The following ATP7B variants were observed in gnomAD, a reference collection of about 807,000 sequenced individuals.
ATP7B encodes ATPase copper transporting beta.
In ATP7B, 113 loss-of-function variants were observed where a neutral mutation model predicts 118.9. That is an observed-to-expected ratio of 0.95 (90% CI 0.82 to 1.11). The LOEUF (loss-of-function observed/expected upper bound fraction) is 1.11. ATP7B is among the 50% of genes most tolerant of loss of function. ATP7B has a pLI of 0.00. For missense variants in ATP7B, 1,867 were observed against 1,871.4 expected (o/e 1.00, Z 0.04); for synonymous variants, 777 against 727.4 (o/e 1.07, Z -1.10).
chr13:51,961,081 T>G (rs780456083), intron 6 of ATP7B, among the ~76,000 whole-genome samples: 2 of 151,880 alleles, frequency 1.3e-5, no homozygotes, highest in Non-Finnish European at 2.9e-5. Flanking sequence ...GCCACAGCAG[T>G]CCCCAAGGGT....
rs775754066 is a variant in ATP7B at position 51,974,091 on chromosome 13, T to C, written c.1129A>G (p.Ile377Val). 48 of 1,613,872 alleles carry C rather than the reference T, an allele frequency of 3.0e-5. No individual in the cohort carries two copies. The highest frequency in any genetic ancestry group is 3.9e-5 in the Non-Finnish European group (46 of 1,180,026). The change falls in exon 2 of 21, where the codon ATT (isoleucine) becomes GTT (valine). Residue 377 changes from isoleucine (I) to valine (V), a missense_variant. Coordinates refer to ENST00000242839, the MANE Select transcript of ATP7B (RefSeq NM_000053.4). ...GMTCASCVHS[I>V]EGMISQLEGV... ...TCCAGTTGGGAGATCATGCCTTCAA[T>C]GGAATGGACACAGGATGCACAGGTC...
At chr13:51,948,463 G>A (rs1445701560) in intron 12 of ATP7B, among the ~76,000 whole-genome samples, 1 of 152,064 alleles carries the variant, frequency 6.6e-6, no homozygotes, top group Non-Finnish European at 1.5e-5. Flanking sequence ...GACTGGGCTA[G>A]GAATAAGATA....
intron 12 of ATP7B, 139 bp from the exon 13 acceptor site, chr13:51,946,617 A>G (rs1423495785): frequency 5.5e-6 from 5 of 902,252 alleles, no homozygotes; most frequent in African/African-American, 1.6e-5. Context: ...GGTATTCCAC[A>G]CTGCTCTGCC....
Position 51,946,283 on chromosome 13 carries a change from C to T in ATP7B, c.3060+1G>A. On this transcript the variant is annotated splice_donor_variant, in intron 13 of 20. Transcript: ENST00000242839. LOFTEE classifies it high-confidence loss of function. Reference sequence around the variant, plus strand: ...TGGGGAAAGCCGTGCTACAGGCTGACCTTGTGCGCCATCTCCAGGGGCTTG... The same window carrying T: ...TGGGGAAAGCCGTGCTACAGGCTGATCTTGTGCGCCATCTCCAGGGGCTTG... The T allele has an allele frequency of 6.3e-7, 1 of 1,579,070 alleles. No homozygotes were observed. Among genetic ancestry groups the T allele is most frequent in the Non-Finnish European group, 8.6e-7 (1 of 1,162,358 alleles).
intron 1 of ATP7B, among the ~76,000 whole-genome samples, chr13:51,985,354 C>G (rs997176674): frequency 6.6e-6 from 1 of 152,164 alleles, no homozygotes; most frequent in African/African-American, 2.4e-5. Context: ...ATCAATGCAA[C>G]AAGAAGAGCT....
At chr13:52,008,209 G>C (rs1277248021) in intron 1 of ATP7B, among the ~76,000 whole-genome samples, 1 of 152,116 alleles carries the variant, frequency 6.6e-6, no homozygotes, top group Non-Finnish European at 1.5e-5. Context: ...GTGTGGTGGC[G>C]TGCGCCTGTA....
rs1363904373 is a variant in ATP7B, at chr13:51,933,149, G to C, written c.*1607C>G. 6.6e-6 allele frequency: 1 copy of C among 152,210 alleles called. No individual in the cohort carries two copies. 9.4% of individuals were successfully genotyped at this position (152,210 alleles called of 1,614,324 possible). A position where few individuals can be genotyped will look rare whatever the true frequency, so the allele number is the denominator to read the frequency against. ...AATGAATAGATCACCTGGTAGATTT[G>C]TTCTTCCAGGAGGCAAGGACCTTTT... On this transcript the variant is annotated 3_prime_UTR_variant, in exon 21 of 21. Coordinates refer to ENST00000242839, the MANE Select transcript of ATP7B (RefSeq NM_000053.4).
At chr13:51,939,326 G>T (rs1227120065) in intron 16 of ATP7B, 133 bp from the exon 17 acceptor site, 7 of 1,416,190 alleles carry the variant, frequency 4.9e-6, no homozygotes, top group African/African-American at 2.8e-5. Context: ...ACACAATGTG[G>T]TTTTTTTGCT....
At chr13:51,973,264 G>C (rs1951930760) in intron 2 of ATP7B, among the ~76,000 whole-genome samples, 1 of 152,180 alleles carries the variant, frequency 6.6e-6, no homozygotes, top group South Asian at 2.1e-4. Flanking sequence ...TCTATTTCAG[G>C]ATACAGAATC....
chr13:51,991,479 C>T (rs554533948), intron 1 of ATP7B, among the ~76,000 whole-genome samples: 30 of 151,808 alleles, frequency 2.0e-4, no homozygotes, highest in Non-Finnish European at 2.8e-4. Flanking sequence ...CTGGGTGACA[C>T]GGTGAGACCC....
intron 1 of ATP7B, among the ~76,000 whole-genome samples, chr13:51,999,568 T>G (rs1339464534): frequency 6.6e-6 from 1 of 152,204 alleles, no homozygotes; most frequent in East Asian, 1.9e-4. Flanking sequence ...TATCGAAAAG[T>G]AAAAGCCAAT....
In ATP7B at chr13:51,937,547, C is replaced by T; in HGVS notation, c.3832G>A (p.Ala1278Thr). The T allele has an allele frequency of 6.2e-7, 1 of 1,614,230 alleles. No homozygotes were observed. The highest frequency in any genetic ancestry group is 8.5e-7 in the Non-Finnish European group (1 of 1,180,052). ...GTGCCAATGGCCACACCCATGTCTG[C>T]CTGGGCCAAGGCCGGGGAGTCATTG... ...GVNDSPALAQ[A>T]DMGVAIGTGT... Residue 1278 changes from alanine (A) to threonine (T), a missense_variant, in exon 18 of 21, where the codon GCA (alanine) becomes ACA (threonine). Physicochemically the swap from Ala to Thr is moderately conservative, Grantham distance 58 (BLOSUM62 0). Transcript: ENST00000242839.
intron 1 of ATP7B, among the ~76,000 whole-genome samples, chr13:51,992,098 G>A (rs576587684): frequency 3.4e-5 from 5 of 148,988 alleles, no homozygotes; most frequent in Non-Finnish European, 7.4e-5. Context: ...ATTCTACATT[G>A]TACAGAATGT....
At chr13:51,936,512 A>G (rs1042361955) in intron 19 of ATP7B, among the ~76,000 whole-genome samples, 1 of 152,068 alleles carries the variant, frequency 6.6e-6, no homozygotes, top group African/African-American at 2.4e-5. Context: ...TACAAAGCAG[A>G]AAAATCTATT....
In ATP7B at chr13:51,950,254, T is replaced by A. The variant is rs768057468; in HGVS notation, c.2575+18A>T. 6.2e-7 allele frequency: 1 copy of A among 1,614,182 alleles called. No homozygotes were observed. The highest frequency in any genetic ancestry group is 1.1e-5 in the South Asian group (1 of 91,076). On this transcript the variant is annotated intron_variant, in intron 10 of 20. Transcript: ENST00000242839. Reference sequence around the variant, plus strand: ...GCTATGATATCCTCCTGAGGGAACATGAAACAAGCCATCTCACCTGTGATG... The same window carrying A: ...GCTATGATATCCTCCTGAGGGAACAAGAAACAAGCCATCTCACCTGTGATG...
At chr13:51,970,135 A>C (rs1593773102) in intron 3 of ATP7B, among the ~76,000 whole-genome samples, 1 of 152,190 alleles carries the variant, frequency 6.6e-6, no homozygotes, top group Non-Finnish European at 1.5e-5. Context: ...CTTCTATACA[A>C]AATGCAGGTT....
chr13:51,961,834 T>A lies in ATP7B; in HGVS notation c.1946+3A>T, dbSNP rs1958764577. The A allele has an allele frequency of 6.2e-7, 1 of 1,613,034 alleles. No homozygotes were observed. The highest frequency in any genetic ancestry group is 1.3e-5 in the African/African-American group (1 of 74,896). ...TGGAGTTTATCTTTTGTGTTCTACC[T>A]ACTGCTTTATTTCCATCTTGTGGTC... is the stretch of plus-strand genomic sequence containing the variant. On this transcript the variant is annotated splice_donor_region_variant and intron_variant, in intron 6 of 20. Coordinates refer to ENST00000242839, the MANE Select transcript of ATP7B (RefSeq NM_000053.4).
chr13:51,938,944 G>A (rs942141399), intron 17 of ATP7B, 107 bp downstream of exon 17: 7 of 1,545,844 alleles, frequency 4.5e-6, no homozygotes, highest in Admixed American at 1.7e-5. Context: ...CATCCAGCAA[G>A]GGAGAAAGAG....
intron 1 of ATP7B, among the ~76,000 whole-genome samples, chr13:51,988,182 G>T (rs1344697735): frequency 6.6e-6 from 1 of 150,730 alleles, no homozygotes; most frequent in Non-Finnish European, 1.5e-5. Context: ...TAATATCCAG[G>T]ATCTACAAGG....
Sources: gnomAD v4.1 joint callset for allele counts (sites outside exome capture counted in the v4.1 genomes callset) on GRCh38, gnomAD v4.1.1 for gene constraint, MANE v1.5 for transcripts, NCBI Gene and HGNC (gene_info 2026-07-23, HGNC 2026-07-21) for gene names.